CENPK: variants seen among roughly 807,000 people sequenced by gnomAD.
The protein encoded by CENPK is centromere protein K, also known as SoxLZ/Sox6-binding protein Solt.
A neutral mutation model predicts 40.9 loss-of-function variants in CENPK; 46 were observed. That is an observed-to-expected ratio of 1.13 (90% CI 0.89 to 1.44). The LOEUF is 1.44. Ranked by LOEUF, CENPK falls within the 40% of genes most tolerant of loss-of-function variation. CENPK has a pLI of 0.00. For missense variants in CENPK, 288 were observed against 303.5 expected (o/e 0.95, Z 0.38); for synonymous variants, 107 against 104.4 (o/e 1.02, Z -0.15).
rs530430647 is a variant in CENPK at position 65,524,011 on chromosome 5, C to T, written c.598-2483G>A. ...ATCCAAGAATCCAAAGACTAAACAC[C>T]CAGGAATTCTTGAACAAATTACTTG... On this transcript the variant is annotated intron_variant, in intron 9 of 10. Coordinates refer to ENST00000396679, the MANE Select transcript of CENPK (RefSeq NM_022145.5). Among the ~76,000 whole-genome samples, 9 of 152,138 alleles carry T rather than the reference C, an allele frequency of 5.9e-5. No individual in the cohort carries two copies. The East Asian group carries it at 1.4e-3, about 23-fold the overall frequency.
chr5:65,515,314 C>CT (rs1351582029), downstream of CENPK, among the ~76,000 whole-genome samples: 1 of 151,088 alleles, frequency 6.6e-6, no homozygotes, highest in Non-Finnish European at 1.5e-5. Context: ...GGCCATCCTC[C>CT]GCCTCAGCCT....
the CENPK span, among the ~76,000 whole-genome samples, chr5:65,497,821 G>A: frequency 6.6e-6 from 1 of 152,192 alleles, no homozygotes; most frequent in South Asian, 2.1e-4. Flanking sequence ...AATGAGCTAT[G>A]ATTGTGCCAT....
At chr5:65,508,088 C>T in the CENPK span, among the ~76,000 whole-genome samples, 5 of 152,156 alleles carry the variant, frequency 3.3e-5, no homozygotes, top group African/African-American at 9.7e-5. Flanking sequence ...ACCTTGACCA[C>T]GTGATTAAGG....
chr5:65,558,206 TA>T (rs1751316948), intron 2 of CENPK, among the ~76,000 whole-genome samples: 1 of 152,048 alleles, frequency 6.6e-6, no homozygotes, highest in Non-Finnish European at 1.5e-5. Flanking sequence ...ATACAGTTAG[TA>T]GCTGGAGGGA....
At chr5:65,545,897 G>C (rs1748855349) in intron 5 of CENPK, among the ~76,000 whole-genome samples, 1 of 152,070 alleles carries the variant, frequency 6.6e-6, no homozygotes, top group Admixed American at 6.6e-5. Flanking sequence ...CTGAACTACA[G>C]AAATTGTGAG....
intron 6 of CENPK, among the ~76,000 whole-genome samples, chr5:65,539,171 T>G (rs1171003496): frequency 6.6e-6 from 1 of 152,216 alleles, no homozygotes; most frequent in Non-Finnish European, 1.5e-5. Flanking sequence ...GTCTGGACAT[T>G]CATATTTAAA....
At chr5:65,513,690 TA>T (rs1439824313), downstream of CENPK, among the ~76,000 whole-genome samples, 1 of 152,242 alleles carries the variant, frequency 6.6e-6, no homozygotes, top group Non-Finnish European at 1.5e-5. Context: ...AGTTTCAAAT[TA>T]TTTTTTGTTG....
intron 6 of CENPK, among the ~76,000 whole-genome samples, chr5:65,535,209 G>A (rs768184117): frequency 1.7e-4 from 25 of 151,016 alleles, no homozygotes; most frequent in Non-Finnish European, 3.2e-4. Context: ...TGCAGCCTGA[G>A]TGACAGAACA....
At chr5:65,528,670 G>A (rs1745180640) in intron 8 of CENPK, 92 bp from the exon 9 acceptor site, 20 of 1,350,052 alleles carry the variant, frequency 1.5e-5, no homozygotes, top group Admixed American at 3.3e-5. Context: ...CAAAAACTTT[G>A]TTAAAACTTC....
At chr5:65,505,142 G>A in the CENPK span, among the ~76,000 whole-genome samples, 1 of 151,854 alleles carries the variant, frequency 6.6e-6, no homozygotes, top group African/African-American at 2.4e-5. Flanking sequence ...TCACTTTGCT[G>A]CCCAGGCTAC....
At chr5:65,558,222 T>G (rs145972161) in intron 2 of CENPK, among the ~76,000 whole-genome samples, 1 of 152,014 alleles carries the variant, frequency 6.6e-6, no homozygotes, top group Non-Finnish European at 1.5e-5. Context: ...GAGGGAGATA[T>G]AGGGTTAAAA....
chr5:65,532,361 C>T (rs1452366471), intron 6 of CENPK, among the ~76,000 whole-genome samples: 2 of 152,096 alleles, frequency 1.3e-5, no homozygotes, highest in Non-Finnish European at 2.9e-5. Context: ...CTATTCTATA[C>T]AAACTCTTTT....
At chr5:65,552,635 A>C in intron 3 of CENPK, 86 bp from the exon 4 acceptor site, 1 of 695,486 alleles carries the variant, frequency 1.4e-6, no homozygotes, top group Non-Finnish European at 2.4e-6. Context: ...CCAGGCCAAT[A>C]TAACACTCTT....
At chr5:65,509,627 A>G in the CENPK span, among the ~76,000 whole-genome samples, 1 of 152,192 alleles carries the variant, frequency 6.6e-6, no homozygotes, top group South Asian at 2.1e-4. Context: ...GTACGGACAT[A>G]TTTTCAACGC....
intron 9 of CENPK, among the ~76,000 whole-genome samples, chr5:65,522,902 G>A (rs924118830): frequency 2.0e-5 from 3 of 152,108 alleles, no homozygotes; most frequent in African/African-American, 7.2e-5. Flanking sequence ...TACGGAGACT[G>A]GAATTCTATT....
At chr5:65,559,826 C>A (rs1270390246) in intron 2 of CENPK, among the ~76,000 whole-genome samples, 2 of 151,844 alleles carry the variant, frequency 1.3e-5, no homozygotes, top group African/African-American at 2.4e-5. Flanking sequence ...CATATGGACA[C>A]ATGACACATG....
At chr5:65,562,824 G>A (rs1048362736) in intron 1 of CENPK, 3 of 153,934 alleles carry the variant, frequency 1.9e-5, no homozygotes, top group East Asian at 1.9e-4. Context: ...GAGAGTGTGT[G>A]AGAGAATAAA....
At chr5:65,545,785 A>G (rs946148194) in intron 5 of CENPK, among the ~76,000 whole-genome samples, 3 of 152,298 alleles carry the variant, frequency 2.0e-5, no homozygotes, top group Admixed American at 6.5e-5. Flanking sequence ...TTTGAGGAGA[A>G]TCTATCATTG....
chr5:65,499,369 G>A, the CENPK span, among the ~76,000 whole-genome samples: 89,531 of 150,876 alleles, frequency 0.59, 26,915 homozygotes, highest in Non-Finnish European at 0.63. Context: ...CCTCCTCGGT[G>A]CTTGATGAAA....
Sources: gnomAD v4.1 joint callset for allele counts (sites outside exome capture counted in the v4.1 genomes callset) on GRCh38, gnomAD v4.1.1 for gene constraint, MANE v1.5 for transcripts, NCBI Gene and HGNC (gene_info 2026-07-23, HGNC 2026-07-21) for gene names.